CNTNAP2: variants seen among roughly 807,000 people sequenced by gnomAD.
CNTNAP2 encodes the protein contactin-associated protein-like 2.
In CNTNAP2, 98 loss-of-function variants were observed where a neutral mutation model predicts 155.2. The observed-to-expected ratio is 0.63, with a 90% CI of 0.54 to 0.75. CNTNAP2 has a LOEUF of 0.75. Among genes scored for constraint, CNTNAP2 ranks in the 30% least tolerant of loss-of-function variants. CNTNAP2 has a pLI of 0.00. For synonymous variants in CNTNAP2, 651 were observed against 631.2 expected (o/e 1.03, Z -0.47); for missense variants, 1,727 against 1,688.1 (o/e 1.02, Z -0.40).
intron 1 of CNTNAP2, among the ~76,000 whole-genome samples, chr7:146,723,378 A>C (rs1801372648): frequency 6.6e-6 from 1 of 152,194 alleles, no homozygotes; most frequent in South Asian, 2.1e-4. Flanking sequence ...TGAACCAGTA[A>C]ACTTCTACTG....
chr7:146,857,216 G>GGA lies in CNTNAP2; in HGVS notation c.402+17331_402+17332dup, dbSNP rs61258419. 5.7e-3 allele frequency among the ~76,000 whole-genome samples: 837 copies of GGA among 146,654 alleles called. 8 individuals carry two copies. Among genetic ancestry groups the GGA allele is most frequent in the African/African-American group, 0.015 (599 of 39,994 alleles). ...GTGGAAAAAGGAGAGAGAAGGAGAG[G>GGA]GAGAGAGAGAGAGAGAGAGAATGAT... On this transcript the variant is annotated intron_variant, in intron 3 of 23. Transcript: ENST00000361727.
At chr7:147,541,058 A>C (rs527303451) in intron 11 of CNTNAP2, among the ~76,000 whole-genome samples, 1 of 152,358 alleles carries the variant, frequency 6.6e-6, no homozygotes, top group African/African-American at 2.4e-5. Flanking sequence ...TAGTGCTTAT[A>C]GCAAGGAAAA....
At chr7:147,278,976 G>C (rs1354654360) in intron 8 of CNTNAP2, among the ~76,000 whole-genome samples, 2 of 151,300 alleles carry the variant, frequency 1.3e-5, no homozygotes, top group Non-Finnish European at 3.0e-5. Flanking sequence ...CCTGAATACA[G>C]AGCATTATAC....
intron 13 of CNTNAP2, among the ~76,000 whole-genome samples, chr7:147,797,542 A>G (rs1439360990): frequency 3.9e-5 from 6 of 152,152 alleles, no homozygotes; most frequent in Non-Finnish European, 8.8e-5. Flanking sequence ...TATTACTTAC[A>G]TGGAATTTTA....
chr7:147,445,628 A>G (rs1442015317), intron 10 of CNTNAP2, among the ~76,000 whole-genome samples: 2 of 152,162 alleles, frequency 1.3e-5, no homozygotes, highest in African/African-American at 2.4e-5. Flanking sequence ...AACATTCTCA[A>G]CAGGCATATG....
intron 3 of CNTNAP2, among the ~76,000 whole-genome samples, chr7:146,984,235 G>A (rs968177752): frequency 6.6e-6 from 1 of 151,584 alleles, no homozygotes; most frequent in Admixed American, 6.6e-5. Flanking sequence ...GGTGTGGTGG[G>A]ACACGCCTGT....
At chr7:148,087,313 A>G (rs1189714922) in intron 15 of CNTNAP2, among the ~76,000 whole-genome samples, 1 of 152,194 alleles carries the variant, frequency 6.6e-6, no homozygotes, top group African/African-American at 2.4e-5. Flanking sequence ...TATAGCGACT[A>G]TATAGTAAGG....
intron 16 of CNTNAP2, among the ~76,000 whole-genome samples, chr7:148,125,442 C>T (rs371299430): frequency 1.1e-4 from 17 of 152,064 alleles, no homozygotes; most frequent in African/African-American, 3.9e-4. Context: ...CGTATCCATG[C>T]GTACTCAATG....
intron 1 of CNTNAP2, among the ~76,000 whole-genome samples, chr7:146,139,455 CACTT>C (rs1185475126): frequency 6.6e-5 from 10 of 152,138 alleles, no homozygotes; most frequent in Middle Eastern, 3.4e-3. Flanking sequence ...TGACTGTTGA[CACTT>C]AAATTTAAAA....
chr7:146,435,540 A>G lies in CNTNAP2; in HGVS notation c.97+318567A>G, dbSNP rs568863353. Among the ~76,000 whole-genome samples, 4 of 152,318 alleles carry G rather than the reference A, an allele frequency of 2.6e-5. No homozygotes were observed. The East Asian group carries it at 7.7e-4, about 29-fold the overall frequency. Reference sequence around the variant, plus strand: ...CATCCGTTAGTTATTTATCAGCTGTAAACATCTCTAGTAGAATTTTAAAAT... The same window carrying G: ...CATCCGTTAGTTATTTATCAGCTGTGAACATCTCTAGTAGAATTTTAAAAT... On this transcript the variant is annotated intron_variant, in intron 1 of 23. Transcript: ENST00000361727.
At chr7:146,194,549 T>C (rs1335671350) in intron 1 of CNTNAP2, among the ~76,000 whole-genome samples, 1 of 152,206 alleles carries the variant, frequency 6.6e-6, no homozygotes, top group East Asian at 1.9e-4. Context: ...TTGGGAATTA[T>C]GGGAGCTACA....
At chr7:148,104,486 TAC>T (rs892032601) in intron 15 of CNTNAP2, among the ~76,000 whole-genome samples, 1 of 152,196 alleles carries the variant, frequency 6.6e-6, no homozygotes, top group Admixed American at 6.5e-5. Context: ...TGCCTGGCAT[TAC>T]AGCACTCCTG....
chr7:146,380,229 A>G (rs970573516), intron 1 of CNTNAP2, among the ~76,000 whole-genome samples: 6 of 152,226 alleles, frequency 3.9e-5, no homozygotes, highest in East Asian at 1.9e-4. Context: ...CAAATTGCCC[A>G]TAGCTACCAT....
chr7:146,305,389 T>A (rs1319062916), intron 1 of CNTNAP2, among the ~76,000 whole-genome samples: 2 of 152,122 alleles, frequency 1.3e-5, no homozygotes, highest in Admixed American at 6.5e-5. Context: ...TCTGCTCTGG[T>A]TTCTCCCCAT....
At chr7:146,581,087 A>G (rs1798604706) in intron 1 of CNTNAP2, among the ~76,000 whole-genome samples, 1 of 152,120 alleles carries the variant, frequency 6.6e-6, no homozygotes. Context: ...CCTTTCAAGG[A>G]AAGGCTGATT....
chr7:146,827,734 A>C (rs1442144896), intron 2 of CNTNAP2, among the ~76,000 whole-genome samples: 1 of 152,078 alleles, frequency 6.6e-6, no homozygotes, highest in African/African-American at 2.4e-5. Context: ...TTTCTTTGCA[A>C]CATTGATATT....
intron 1 of CNTNAP2, among the ~76,000 whole-genome samples, chr7:146,211,931 T>A (rs1383076160): frequency 6.6e-6 from 1 of 152,106 alleles, no homozygotes; most frequent in Non-Finnish European, 1.5e-5. Flanking sequence ...TGACTATGAA[T>A]AATAATAATT....
intron 1 of CNTNAP2, among the ~76,000 whole-genome samples, chr7:146,574,225 A>G (rs1441021443): frequency 1.3e-5 from 2 of 152,012 alleles, no homozygotes; most frequent in South Asian, 4.1e-4. Context: ...AAACAAAAAT[A>G]ACACGCATTT....
intron 9 of CNTNAP2, among the ~76,000 whole-genome samples, chr7:147,380,870 A>G (rs764642628): frequency 3.6e-4 from 55 of 152,232 alleles, no homozygotes; most frequent in Admixed American, 6.5e-4. Flanking sequence ...TCCATCTGCA[A>G]TGATACTAAT....
Sources: allele counts gnomAD v4.1 joint callset (sites outside exome capture counted in the v4.1 genomes callset), GRCh38; gene constraint gnomAD v4.1.1; transcripts MANE v1.5; gene names NCBI Gene and HGNC (gene_info 2026-07-23, HGNC 2026-07-21).